Variants in STPG1 observed in about 807,000 individuals in gnomAD.
STPG1 encodes the protein sperm tail PG-rich repeat containing 1, also known as O(6)-methylguanine-induced apoptosis 2.
In STPG1, 33 loss-of-function variants were observed where a neutral mutation model predicts 40.1. The ratio of observed to expected loss-of-function variants is 0.82; its 90% CI spans 0.62 to 1.10. STPG1 has a LOEUF of 1.10. STPG1 is among the 50% of genes least tolerant of loss of function. The pLI, the probability that STPG1 is intolerant of heterozygous loss-of-function variation, is 0.00. For synonymous variants in STPG1, 150 were observed against 155.0 expected (o/e 0.97, Z 0.24); for missense variants, 396 against 415.1 (o/e 0.95, Z 0.40).
chr1:24,408,892 C>T (rs1301445541), intron 1 of STPG1, among the ~76,000 whole-genome samples: 1 of 152,162 alleles, frequency 6.6e-6, no homozygotes, highest in African/African-American at 2.4e-5. Context: ...ATTCTGTAAT[C>T]CTCACAGCAG....
rs904675316 is a variant in STPG1, at chr1:24,391,944, G to A, written c.71-265C>T. The A allele has an allele frequency of 7.0e-6, 8 of 1,147,048 alleles. No individual in the cohort carries two copies. The Admixed American group carries it at 1.4e-4, about 20-fold the overall frequency. The allele number at this position is 1,147,048 out of a possible 1,614,324, so 71.1% of individuals were successfully genotyped here. A position where few individuals can be genotyped will look rare whatever the true frequency, so the allele number is the denominator to read the frequency against. ...AGTACCTTAAACAGGCTGTCCCGGA[G>A]AAAAGGAAGGAGATGATAGTAAAGA... On this transcript the variant is annotated intron_variant, in intron 2 of 8. Transcript: ENST00000337248.
chr1:24,374,459 C>T (rs535732322), intron 5 of STPG1, among the ~76,000 whole-genome samples: 2 of 152,048 alleles, frequency 1.3e-5, no homozygotes, highest in Non-Finnish European at 2.9e-5. Flanking sequence ...CAGGGTTTCA[C>T]CATGTTAACC....
intron 5 of STPG1, among the ~76,000 whole-genome samples, chr1:24,377,703 C>G (rs1395987320): frequency 6.6e-6 from 1 of 152,198 alleles, no homozygotes; most frequent in Non-Finnish European, 1.5e-5. Flanking sequence ...CCACTGGAAT[C>G]TAAGCTGTAT....
chr1:24,391,497 G>A lies in STPG1; in HGVS notation c.189+64C>T, dbSNP rs150334986. On this transcript the variant is annotated intron_variant, in intron 3 of 8. Coordinates refer to ENST00000337248, the MANE Select transcript of STPG1 (RefSeq NM_001199013.2). The stretch of plus-strand genomic sequence containing the variant: ...GAAAGACACAGCAGCCAGACAGAAC[G>A]TGCCTGTCCCGCAAGGCTAAAATCC... 1.1e-4 allele frequency: 110 copies of A among 1,028,946 alleles called. No individual in the cohort carries two copies. The East Asian group carries it at 2.1e-3, about 20-fold the overall frequency. The allele number at this position is 1,028,946 out of a possible 1,614,324, so 63.7% of individuals were successfully genotyped here.
At chr1:24,360,712 G>A in intron 8 of STPG1, 139 bp downstream of exon 8, 1 of 754,298 alleles carries the variant, frequency 1.3e-6, no homozygotes, top group South Asian at 2.0e-5. Flanking sequence ...AATGTGAACT[G>A]ATAATGCTTC....
intron 1 of STPG1, among the ~76,000 whole-genome samples, chr1:24,408,838 T>C (rs1643507442): frequency 6.6e-6 from 1 of 152,254 alleles, no homozygotes; most frequent in African/African-American, 2.4e-5. Context: ...TAAATGATTT[T>C]ACACTCTACT....
Position 24,358,571 on chromosome 1 carries a change from T to A in STPG1, c.977A>T (p.Glu326Val), listed in dbSNP as rs758787696. ...CAGAACCGGGATCCATTTCTTGTCC[T>A]CGTTGTAGAGGAAGGACTGCTTTCC... ...LPGKQSFLYN[E>V]DKKWIPVL is the part of the protein sequence containing the mutation. Residue 326 changes from glutamate to valine, a missense_variant, in exon 9 of 9, where the codon GAG (glutamate) becomes GTG (valine). Physicochemically the swap from Glu to Val is moderately radical, Grantham distance 121. Transcript: ENST00000337248. 2 of 1,614,016 alleles carry A rather than the reference T, an allele frequency of 1.2e-6. No homozygotes were observed. Among genetic ancestry groups the A allele is most frequent in the Admixed American group, 3.3e-5 (2 of 60,006 alleles).
At chr1:24,382,644 G>A (rs1642338106) in intron 4 of STPG1, among the ~76,000 whole-genome samples, 1 of 152,168 alleles carries the variant, frequency 6.6e-6, no homozygotes, top group Non-Finnish European at 1.5e-5. Context: ...ACCTACTGAG[G>A]CCATGTACAA....
chr1:24,373,069 C>G (rs571469280), intron 6 of STPG1, among the ~76,000 whole-genome samples: 1 of 152,278 alleles, frequency 6.6e-6, no homozygotes, highest in South Asian at 2.1e-4. Context: ...TGAGACCCCT[C>G]TGGGCTTGTG....
chr1:24,389,495 T>C (rs963961579), intron 3 of STPG1, among the ~76,000 whole-genome samples: 1 of 152,240 alleles, frequency 6.6e-6, no homozygotes, highest in East Asian at 1.9e-4. Context: ...AACATTTACT[T>C]TGAGCCTCTT....
chr1:24,369,121 TA>T, intron 7 of STPG1: 1 of 336,848 alleles, frequency 3.0e-6, no homozygotes. Context: ...TCACAGAGCA[TA>T]AAAACAGCAG....
In STPG1 at chr1:24,393,939, T is replaced by C. The variant is rs529342681; in HGVS notation, c.71-2260A>G. Reference sequence around the variant, plus strand: ...GATGGAGCCCCGTGGTCTTCCTGAGTTGAGGAAATAGATCTGGGAGTCCAG... The same window carrying C: ...GATGGAGCCCCGTGGTCTTCCTGAGCTGAGGAAATAGATCTGGGAGTCCAG... On this transcript the variant is annotated intron_variant, in intron 2 of 8. Transcript: ENST00000337248. Among the ~76,000 whole-genome samples, 25 of 151,940 alleles carry C rather than the reference T, an allele frequency of 1.6e-4. 1 individual carries two copies. The highest frequency in any genetic ancestry group is 6.0e-4 in the African/African-American group (25 of 41,442).
intron 1 of STPG1, among the ~76,000 whole-genome samples, chr1:24,404,960 T>C (rs1418871993): frequency 6.6e-6 from 1 of 152,242 alleles, no homozygotes; most frequent in Non-Finnish European, 1.5e-5. Context: ...TGTTCTTCTC[T>C]TTCTAGCTTT....
chr1:24,360,996 A>G lies in STPG1; in HGVS notation c.783T>C (p.Pro261=), dbSNP rs1641076073. The change falls in exon 8 of 9, where the codon CCT becomes CCC. Residue 261 remains proline (P), a synonymous_variant. Transcript: ENST00000337248. ...CAGGACCTGGGAAAGGTGGCTTCGGAGGCAGAGGCGAAGGCTGAGCAGAGA... is the reference window on the plus strand; with the variant it reads ...CAGGACCTGGGAAAGGTGGCTTCGGGGGCAGAGGCGAAGGCTGAGCAGAGA... ...LNFSAQPSPL[P]PKPPFPGPGQ... is the part of the protein sequence containing the mutation. 3 of 1,613,344 alleles carry G rather than the reference A, an allele frequency of 1.9e-6. No homozygotes were observed. Among genetic ancestry groups the G allele is most frequent in the African/African-American group, 2.7e-5 (2 of 74,900 alleles).
At chr1:24,367,222 T>C (rs1358560208) in intron 7 of STPG1, among the ~76,000 whole-genome samples, 1 of 152,194 alleles carries the variant, frequency 6.6e-6, no homozygotes, top group African/African-American at 2.4e-5. Flanking sequence ...GAGCCTCCAG[T>C]ACAGAACTAG....
chr1:24,371,685 TTC>T (rs1449487110), intron 6 of STPG1, among the ~76,000 whole-genome samples: 1 of 152,218 alleles, frequency 6.6e-6, no homozygotes, highest in Non-Finnish European at 1.5e-5. Flanking sequence ...ATCTCTCATA[TTC>T]TCTGTTTTGT....
At chr1:24,378,985 C>T (rs933437181) in intron 5 of STPG1, among the ~76,000 whole-genome samples, 1 of 152,208 alleles carries the variant, frequency 6.6e-6, no homozygotes, top group East Asian at 1.9e-4. Flanking sequence ...CCTTGTGTGA[C>T]TGGTGCTGTC....
chr1:24,395,451 T>C (rs907462993), intron 2 of STPG1, among the ~76,000 whole-genome samples: 2 of 120,118 alleles, frequency 1.7e-5, no homozygotes, highest in African/African-American at 6.1e-5. Context: ...TTTTTTTTTT[T>C]AGACGGAGTC....
chr1:24,382,293 C>T (rs528953191), intron 4 of STPG1, among the ~76,000 whole-genome samples: 17 of 152,310 alleles, frequency 1.1e-4, no homozygotes, highest in South Asian at 2.1e-4. Flanking sequence ...AAGAAGTTCT[C>T]GGAGAGAAAA....
Sources: gnomAD v4.1 joint callset for allele counts (sites outside exome capture counted in the v4.1 genomes callset) on GRCh38, gnomAD v4.1.1 for gene constraint, MANE v1.5 for transcripts, NCBI Gene and HGNC (gene_info 2026-07-23, HGNC 2026-07-21) for gene names.